The following EMC8 variants were observed in gnomAD, a reference collection of about 807,000 sequenced individuals.
EMC8 encodes COX4 neighbor.
A neutral mutation model predicts 24.3 loss-of-function variants in EMC8; 11 were observed. The observed-to-expected ratio is 0.45, with a 90% CI of 0.28 to 0.75. The LOEUF (loss-of-function observed/expected upper bound fraction) is 0.75, where lower values mean the gene tolerates loss of function less well. Among genes scored for constraint, EMC8 ranks in the 30% least tolerant of loss-of-function variants. EMC8 has a pLI of 0.12. For missense variants in EMC8, 277 were observed against 282.7 expected (o/e 0.98, Z 0.14); for synonymous variants, 145 against 117.7 (o/e 1.23, Z -1.50).
Position 85,779,760 on chromosome 16 carries a change from C to T in EMC8, c.581G>A (p.Arg194Gln), listed in dbSNP as rs756580242. 4.3e-6 allele frequency: 7 copies of T among 1,614,198 alleles called. No individual in the cohort carries two copies. The South Asian group carries it at 5.5e-5, about 13-fold the overall frequency. The change falls in exon 5 of 5, where the codon CGG (arginine) becomes CAG (glutamine). Residue 194 changes from arginine to glutamine, a missense_variant. Physicochemically the swap from Arg to Gln is conservative, Grantham distance 43. Transcript: ENST00000253457. ...VDFDNHLDDI[R>Q]NDWTNPEINK... ...GATCTCTGGGTTTGTCCAGTCATTCCGAATGTCATCCAGGTGGTTATCGAA... is the reference window on the plus strand; with the variant it reads ...GATCTCTGGGTTTGTCCAGTCATTCTGAATGTCATCCAGGTGGTTATCGAA...
intron 4 of EMC8, chr16:85,780,158 G>A: frequency 1.7e-6 from 1 of 603,058 alleles, no homozygotes; most frequent in Non-Finnish European, 2.9e-6. Flanking sequence ...AAGAGTGTCT[G>A]TGCTCTAGCG....
In EMC8 at chr16:85,781,345, G is replaced by C. The variant is rs1904488260; in HGVS notation, c.309-65C>G. On this transcript the variant is annotated intron_variant, in intron 2 of 4. Coordinates refer to ENST00000253457, the MANE Select transcript of EMC8 (RefSeq NM_006067.5). ...TTCAACACTGTTTACAAAAGGCACA[G>C]TCAACACCACTGAGACTTAACAAGC... 1.6e-5 allele frequency: 16 copies of C among 1,023,300 alleles called. No homozygotes were observed. The Middle Eastern group carries it at 6.1e-4, about 39-fold the overall frequency. 63.4% of individuals were successfully genotyped at this position (1,023,300 alleles called of 1,614,324 possible). A position where few individuals can be genotyped will look rare whatever the true frequency, so the allele number is the denominator to read the frequency against.
intron 1 of EMC8, among the ~76,000 whole-genome samples, chr16:85,790,097 T>C (rs1241231842): frequency 1.3e-5 from 2 of 151,966 alleles, no homozygotes; most frequent in Non-Finnish European, 2.9e-5. Flanking sequence ...TTGAATACAC[T>C]GTAATAAAGT....
chr16:85,782,162 G>A (rs1367232089), intron 2 of EMC8, among the ~76,000 whole-genome samples: 1 of 152,170 alleles, frequency 6.6e-6, no homozygotes, highest in Non-Finnish European at 1.5e-5. Context: ...CAAGCCTCCC[G>A]GGCCCGCCTT....
intron 1 of EMC8, among the ~76,000 whole-genome samples, chr16:85,793,694 T>C (rs952354992): frequency 2.1e-4 from 32 of 152,142 alleles, no homozygotes; most frequent in African/African-American, 4.8e-5. Context: ...ATGAGGCCAG[T>C]GAGCAAGCCA....
intron 2 of EMC8, among the ~76,000 whole-genome samples, chr16:85,788,696 A>G (rs1298182459): frequency 6.6e-6 from 1 of 152,152 alleles, no homozygotes; most frequent in African/African-American, 2.4e-5. Context: ...CTGAGCAGGG[A>G]CAGAAGTCGG....
chr16:85,782,988 G>A (rs553172745), intron 2 of EMC8, among the ~76,000 whole-genome samples: 60 of 152,220 alleles, frequency 3.9e-4, no homozygotes, highest in African/African-American at 1.3e-3. Context: ...ACGGTCACTC[G>A]CTCGCTCTCT....
intron 2 of EMC8, chr16:85,781,891 G>C (rs1597199598): frequency 6.5e-6 from 1 of 152,828 alleles, no homozygotes; most frequent in African/African-American, 2.4e-5. Flanking sequence ...TTCCCTGACA[G>C]GTAAATACGT....
At chr16:85,784,038 G>T (rs1315651431) in intron 2 of EMC8, among the ~76,000 whole-genome samples, 1 of 151,468 alleles carries the variant, frequency 6.6e-6, no homozygotes, top group Non-Finnish European at 1.5e-5. Context: ...TCACTCTGTC[G>T]CCTAGGCTGG....
chr16:85,785,423 A>T (rs1162682358), intron 2 of EMC8, among the ~76,000 whole-genome samples: 1 of 152,010 alleles, frequency 6.6e-6, no homozygotes, highest in Non-Finnish European at 1.5e-5. Context: ...TACAAAAATT[A>T]GCCAGGTGTG....
chr16:85,789,292 C>A (rs1334653850), intron 1 of EMC8, among the ~76,000 whole-genome samples: 1 of 152,194 alleles, frequency 6.6e-6, no homozygotes, highest in African/African-American at 2.4e-5. Context: ...TCTACAGGTA[C>A]TGGATTGGTA....
chr16:85,798,869 G>A (rs1057185320), intron 1 of EMC8, 196 bp downstream of exon 1: 3 of 524,476 alleles, frequency 5.7e-6, no homozygotes, highest in East Asian at 6.2e-5. Flanking sequence ...GGTTAAAGTC[G>A]CTGCTACTAC....
chr16:85,788,166 G>A (rs1904839848), intron 2 of EMC8, among the ~76,000 whole-genome samples: 1 of 152,238 alleles, frequency 6.6e-6, no homozygotes, highest in African/African-American at 2.4e-5. Context: ...ATGGAAGGGG[G>A]ACATCATGTA....
chr16:85,783,383 T>C (rs1904602505), intron 2 of EMC8, among the ~76,000 whole-genome samples: 1 of 152,090 alleles, frequency 6.6e-6, no homozygotes, highest in South Asian at 2.1e-4. Flanking sequence ...GGCCACAAAC[T>C]CCGGGTCTCA....
Position 85,780,448 on chromosome 16 carries a change from T to C in EMC8, c.404A>G (p.Asp135Gly), listed in dbSNP as rs1904437168. Residue 135 changes from aspartate to glycine, a missense_variant, in exon 4 of 5, where the codon GAC becomes GGC. By Grantham distance (94) the Asp-to-Gly change is moderately conservative. Transcript: ENST00000253457. ...CACGTGGATCGTAGGCGCTACGCAG[T>C]CCATCGTAAACTTGGTGTTGTCTAC... ...IMVDNTKFTMDCVAPTIHVYE... is the reference protein window; with the variant it reads ...IMVDNTKFTMGCVAPTIHVYE... 1 of 1,613,948 alleles carries C rather than the reference T, an allele frequency of 6.2e-7. No homozygotes were observed. Among genetic ancestry groups the C allele is most frequent in the African/African-American group, 1.3e-5 (1 of 74,936 alleles).
chr16:85,792,206 G>C (rs1345683102), intron 1 of EMC8, among the ~76,000 whole-genome samples: 1 of 152,148 alleles, frequency 6.6e-6, no homozygotes, highest in Non-Finnish European at 1.5e-5. Context: ...ACAAACACAT[G>C]TATATCTCAA....
intron 2 of EMC8, among the ~76,000 whole-genome samples, chr16:85,782,962 C>T (rs1465282711): frequency 2.0e-5 from 3 of 152,174 alleles, no homozygotes; most frequent in East Asian, 1.9e-4. Context: ...GCTTCCTAAC[C>T]GGTCTCATAA....
At chr16:85,789,142 A>C (rs990314632) in intron 1 of EMC8, 92 bp from the exon 2 acceptor site, 1 of 830,768 alleles carries the variant, frequency 1.2e-6, no homozygotes, top group African/African-American at 1.7e-5. Flanking sequence ...ACATGCTGGG[A>C]CAAGACATGA....
rs374099023 is a variant in EMC8, at chr16:85,798,012, C to CT, written c.231+1052dup. Among the ~76,000 whole-genome samples, 117 of 151,554 alleles carry CT rather than the reference C, an allele frequency of 7.7e-4. 1 individual carries two copies. In the Middle Eastern group the frequency reaches 0.01, roughly 13 times the overall value. On this transcript the variant is annotated intron_variant, in intron 1 of 4. Transcript: ENST00000253457. ...CAACTAGTCTACCTGCATGCTACAT[C>CT]TTTTTTCCCACTGTACTTCAATAAA...
Sources: allele counts gnomAD v4.1 joint callset (sites outside exome capture counted in the v4.1 genomes callset), GRCh38; gene constraint gnomAD v4.1.1; transcripts MANE v1.5; gene names NCBI Gene and HGNC (gene_info 2026-07-23, HGNC 2026-07-21).